PAX7: variants seen among roughly 807,000 people sequenced by gnomAD.
PAX7 encodes paired box protein Pax-7.
A neutral mutation model predicts 50.7 loss-of-function variants in PAX7; 18 were observed. The observed-to-expected ratio is 0.36, with a 90% confidence interval of 0.25 to 0.53. PAX7 has a LOEUF of 0.53. PAX7 is among the 20% of genes least tolerant of loss of function. The pLI, the probability that PAX7 is intolerant of heterozygous loss-of-function variation, is 0.93. For synonymous variants in PAX7, 310 were observed against 290.4 expected (o/e 1.07, Z -0.69); for missense variants, 644 against 702.9 (o/e 0.92, Z 0.95).
rs919734389 is a variant in PAX7 at position 18,745,501 on chromosome 1, G to T, written c.*572G>T. On this transcript the variant is annotated 3_prime_UTR_variant, in exon 9 of 9. Transcript: ENST00000420770. The stretch of plus-strand genomic sequence containing the variant: ...GGGGTCTTCCCAGGGGAGTCAGCAG[G>T]GGGGCAGTCTCACCCCCACCCAGGA... 1 of 232,056 alleles carries T rather than the reference G, an allele frequency of 4.3e-6. No homozygotes were observed. Among genetic ancestry groups the T allele is most frequent in the Non-Finnish European group, 8.5e-6 (1 of 117,518 alleles). The allele number at this position is 232,056 out of a possible 1,614,324, so 14.4% of individuals were successfully genotyped here.
At chr1:18,728,870 A>C (rs2089611742) in intron 7 of PAX7, among the ~76,000 whole-genome samples, 1 of 151,826 alleles carries the variant, frequency 6.6e-6, no homozygotes, top group Non-Finnish European at 1.5e-5. Flanking sequence ...CGTCTCAAAA[A>C]AAAAAACAAA....
rs1322242953 is a variant in PAX7, at chr1:18,679,800, GTTGTTCATTCATTCAGGCAT to G, written c.587-11938_587-11919del. 3.9e-5 allele frequency among the ~76,000 whole-genome samples: 6 copies of G among 152,326 alleles called. No homozygotes were observed. In the East Asian group the frequency reaches 9.6e-4, roughly 24 times the overall value. On this transcript the variant is annotated intron_variant, in intron 4 of 8. Coordinates refer to ENST00000420770, the MANE Select transcript of PAX7 (RefSeq NM_001135254.2). Reference sequence around the variant, plus strand: ...AAAGGCATGTTCATTCATTCAGTCAGTTGTTCATTCATTCAGGCATTTGTTCATTCATTCATCCATGCATT... The same window carrying G: ...AAAGGCATGTTCATTCATTCAGTCAGTTGTTCATTCATTCATCCATGCATT...
At chr1:18,666,112 C>A (rs1172591506) in intron 4 of PAX7, among the ~76,000 whole-genome samples, 2 of 152,186 alleles carry the variant, frequency 1.3e-5, no homozygotes, top group Non-Finnish European at 2.9e-5. Context: ...AGTTTGAAAC[C>A]AGTCTGGGCA....
intron 8 of PAX7, among the ~76,000 whole-genome samples, chr1:18,740,417 A>G (rs552392496): frequency 2.6e-5 from 4 of 152,322 alleles, no homozygotes; most frequent in African/African-American, 7.2e-5. Context: ...AGCAGGACCA[A>G]TGCAGACTCC....
intron 7 of PAX7, among the ~76,000 whole-genome samples, chr1:18,734,483 C>T (rs2089686968): frequency 6.6e-6 from 1 of 152,090 alleles, no homozygotes; most frequent in Non-Finnish European, 1.5e-5. Context: ...TCTGAACTGA[C>T]TGGGACACTG....
At chr1:18,731,158 G>A (rs1004952921) in intron 7 of PAX7, among the ~76,000 whole-genome samples, 1 of 152,210 alleles carries the variant, frequency 6.6e-6, no homozygotes, top group Non-Finnish European at 1.5e-5. Flanking sequence ...GAGAGGGGTG[G>A]ATTACTGCAT....
intron 4 of PAX7, among the ~76,000 whole-genome samples, chr1:18,688,640 C>T (rs2089011935): frequency 6.6e-6 from 1 of 152,168 alleles, no homozygotes; most frequent in Non-Finnish European, 1.5e-5. Context: ...GTGGCTCATG[C>T]CTGTAATCCC....
rs1420912545 is a variant in PAX7, at chr1:18,632,994, G to T, written c.85+1306G>T. ...TACTGAGGAGAGCCGAGTGCCGGTC[G>T]CTAAAGAGGCTCTTGAATATAAAGT... On this transcript the variant is annotated intron_variant, in intron 1 of 8. Transcript: ENST00000420770. The surrounding 1 kb of genome is among the most constrained non-coding windows in gnomAD (Gnocchi z 6.3). Among the ~76,000 whole-genome samples, 1 of 152,228 alleles carries T rather than the reference G, an allele frequency of 6.6e-6. No homozygotes were observed. Among genetic ancestry groups the T allele is most frequent in the Non-Finnish European group, 1.5e-5 (1 of 68,036 alleles).
chr1:18,642,220 GT>G (rs66473764), intron 4 of PAX7, among the ~76,000 whole-genome samples: 49,200 of 151,826 alleles, frequency 0.32, 8,524 homozygotes, highest in Middle Eastern at 0.42. Flanking sequence ...CCTCTTTGGA[GT>G]TTCTATTTGC....
chr1:18,636,308 A>G lies in PAX7; in HGVS notation c.523A>G (p.Lys175Glu). 1 of 1,614,218 alleles carries G rather than the reference A, an allele frequency of 6.2e-7. No homozygotes were observed. The highest frequency in any genetic ancestry group is 8.5e-7 in the Non-Finnish European group (1 of 1,180,004). The change falls in exon 4 of 9, where the codon AAG becomes GAG. Residue 175 changes from lysine to glutamate, a missense_variant. Transcript: ENST00000420770. This position sits in a 1 kb window ranked among gnomAD's most constrained non-coding sequence, Gnocchi z 5.1. ...GAAAGAGGAGGAGGATGAAGCGGAC[A>G]AGAAGGAGGACGACGGCGAAAAGAA... ...GKKEEEDEAD[K>E]KEDDGEKKAK...
Position 18,703,102 on chromosome 1 carries a change from A to T in PAX7, c.961A>T (p.Ser321Cys). ...PTTTISQDGG[S>C]TVHRPQPLPP... ...CTTGGGTCTCTCTACAGATGGGGGC[A>T]GCACTGTGCACCGGCCTCAGCCCCT... The change falls in exon 7 of 9, where the codon AGC becomes TGC. Residue 321 changes from serine to cysteine, a missense_variant. Ser to Cys is a moderately radical substitution (Grantham distance 112, BLOSUM62 -1). Coordinates refer to ENST00000420770, the MANE Select transcript of PAX7 (RefSeq NM_001135254.2). 6.2e-7 allele frequency: 1 copy of T among 1,613,674 alleles called. No individual in the cohort carries two copies. Among genetic ancestry groups the T allele is most frequent in the Non-Finnish European group, 8.5e-7 (1 of 1,179,798 alleles).
intron 1 of PAX7, among the ~76,000 whole-genome samples, 166 bp downstream of exon 1, chr1:18,631,854 C>T (rs1268261617): frequency 7.9e-6 from 1 of 126,566 alleles, no homozygotes; most frequent in Non-Finnish European, 1.8e-5. Context: ...TTTCTGGGAC[C>T]CATACTTGTC....
chr1:18,643,084 G>A lies in PAX7; in HGVS notation c.586+6713G>A, dbSNP rs1368541548. 6.6e-5 allele frequency among the ~76,000 whole-genome samples: 10 copies of A among 152,276 alleles called. No homozygotes were observed. The East Asian group carries it at 1.9e-3, about 29-fold the overall frequency. ...TGCGGGTCGCTACAGCCTCGGGAGGGGTGAAGGGAAGTTGTGTGCGCCCCA... is the reference window on the plus strand; with the variant it reads ...TGCGGGTCGCTACAGCCTCGGGAGGAGTGAAGGGAAGTTGTGTGCGCCCCA... On this transcript the variant is annotated intron_variant, in intron 4 of 8. Coordinates refer to ENST00000420770, the MANE Select transcript of PAX7 (RefSeq NM_001135254.2).
intron 4 of PAX7, among the ~76,000 whole-genome samples, chr1:18,659,461 G>A (rs989688128): frequency 6.6e-6 from 1 of 152,156 alleles, no homozygotes; most frequent in African/African-American, 2.4e-5. Flanking sequence ...TACTGAGGGG[G>A]CCTGAAAAGG....
intron 7 of PAX7, among the ~76,000 whole-genome samples, chr1:18,708,224 C>T (rs969114489): frequency 6.6e-6 from 1 of 152,076 alleles, no homozygotes; most frequent in Admixed American, 6.6e-5. Flanking sequence ...CCCTCTGCTC[C>T]GGGCTGAGGG....
intron 4 of PAX7, among the ~76,000 whole-genome samples, chr1:18,660,073 A>G (rs2088579673): frequency 6.6e-6 from 1 of 152,196 alleles, no homozygotes. Flanking sequence ...ATTGGAGCCC[A>G]GTGGCTGGAG....
At chr1:18,635,513 GGAAGGAAGGAAGGAAA>G (rs892680614) in intron 3 of PAX7, among the ~76,000 whole-genome samples, 3 of 148,100 alleles carry the variant, frequency 2.0e-5, no homozygotes, top group African/African-American at 5.2e-5. Context: ...AAGGAAGGTA[GGAAGGAAGGAAGGAAA>G]GAAGGAAGGA....
chr1:18,744,854 C>T lies in PAX7; in HGVS notation c.1443C>T (p.Thr481=), dbSNP rs779703346. 13 of 1,557,704 alleles carry T rather than the reference C, an allele frequency of 8.3e-6. No homozygotes were observed. The highest frequency in any genetic ancestry group is 7.7e-5 in the Admixed American group (4 of 51,836). ...TGGCCAAAAATGTGAGCCTCTCCAC[C>T]CAGCGTCGCATGAAGCTCGGGGAGC... ...DYLAKNVSLS[T]QRRMKLGEHS... The change falls in exon 9 of 9, where the codon ACC becomes ACT. Residue 481 remains threonine (T), a synonymous_variant. Coordinates refer to ENST00000420770, the MANE Select transcript of PAX7 (RefSeq NM_001135254.2).
intron 4 of PAX7, among the ~76,000 whole-genome samples, chr1:18,659,348 G>T (rs186030943): frequency 3.0e-4 from 46 of 152,294 alleles, no homozygotes; most frequent in African/African-American, 1.1e-3. Flanking sequence ...GGAGGGGGCA[G>T]CCAGGCCTCT....
Sources: gnomAD v4.1 joint callset for allele counts (sites outside exome capture counted in the v4.1 genomes callset) on GRCh38, gnomAD v4.1.1 for gene constraint, Gnocchi (gnomAD v3.1) non-coding constraint, MANE v1.5 for transcripts, NCBI Gene and HGNC (gene_info 2026-07-23, HGNC 2026-07-21) for gene names.